The following ROBO2 variants were observed in gnomAD, a reference collection of about 807,000 sequenced individuals.
The protein encoded by ROBO2 is roundabout homolog 2.
Under a neutral mutation model 160.8 loss-of-function variants are expected in ROBO2, and 53 were observed. That is an observed-to-expected ratio of 0.33 (90% CI 0.26 to 0.41). The LOEUF (loss-of-function observed/expected upper bound fraction) is 0.41. Ranked by LOEUF, ROBO2 falls within the 10% of genes least tolerant of loss-of-function variation. ROBO2 has a pLI of 1.00. For missense variants in ROBO2, 1,577 were observed against 1,722.4 expected (o/e 0.92, Z 1.49); for synonymous variants, 664 against 611.7 (o/e 1.09, Z -1.26).
At chr3:77,224,267 G>A (rs77164998) in intron 2 of ROBO2, among the ~76,000 whole-genome samples, 172 of 152,072 alleles carry the variant, frequency 1.1e-3, no homozygotes, top group African/African-American at 3.9e-3. Flanking sequence ...TTACCATGTT[G>A]TCCCAATCGA....
chr3:77,570,076 C>T (rs1330554323), intron 13 of ROBO2, among the ~76,000 whole-genome samples: 1 of 151,850 alleles, frequency 6.6e-6, no homozygotes, highest in African/African-American at 2.4e-5. Flanking sequence ...TGAGTAGATA[C>T]AAAACTAACA....
intron 2 of ROBO2, among the ~76,000 whole-genome samples, chr3:77,457,479 CT>C (rs11317472): frequency 0.057 from 8,638 of 152,118 alleles, 724 homozygotes; most frequent in African/African-American, 0.18. Flanking sequence ...TAAGGAGTTA[CT>C]TTTTGTGTTA....
intron 6 of ROBO2, chr3:77,538,821 G>C (rs1033530795): frequency 2.1e-6 from 1 of 477,706 alleles, no homozygotes; most frequent in African/African-American, 2.0e-5. Context: ...CTTACTACTG[G>C]TCTATAATTG....
At chr3:76,043,536 G>C (rs1382545040) in intron 2 of ROBO2, among the ~76,000 whole-genome samples, 1 of 139,128 alleles carries the variant, frequency 7.2e-6, no homozygotes. Flanking sequence ...ACCTAACATT[G>C]ACTCCAGCTC....
At chr3:76,776,888 G>T (rs938030976) in intron 2 of ROBO2, among the ~76,000 whole-genome samples, 5 of 150,830 alleles carry the variant, frequency 3.3e-5, no homozygotes, top group African/African-American at 7.3e-5. Context: ...AATGCCTTTT[G>T]CCAGCTGCCT....
intron 2 of ROBO2, among the ~76,000 whole-genome samples, chr3:76,309,895 C>T (rs920925704): frequency 2.0e-5 from 3 of 152,158 alleles, no homozygotes; most frequent in Non-Finnish European, 4.4e-5. Context: ...ACCATCATGA[C>T]TTACTGCAGC....
intron 2 of ROBO2, among the ~76,000 whole-genome samples, chr3:76,775,477 T>C (rs1379699711): frequency 6.6e-6 from 1 of 150,910 alleles, no homozygotes; most frequent in African/African-American, 2.4e-5. Flanking sequence ...AAGTAAACTT[T>C]AATTGAAATC....
At position 77,018,152 on chromosome 3, in the gene ROBO2, G is replaced by C. The variant is rs58788640; in HGVS notation, c.110-79862G>C. On this transcript the variant is annotated intron_variant, in intron 2 of 26. Transcript: ENST00000487694. Reference sequence around the variant, plus strand: ...GGATCTCACTCTGTCGCCCAGGCTGGAGTGCAGTGGCGCAATCTCAGCTCA... The same window carrying C: ...GGATCTCACTCTGTCGCCCAGGCTGCAGTGCAGTGGCGCAATCTCAGCTCA... 3.4e-3 allele frequency among the ~76,000 whole-genome samples: 516 copies of C among 152,268 alleles called. 2 individuals carry two copies. Among genetic ancestry groups the C allele is most frequent in the African/African-American group, 0.012 (488 of 41,544 alleles).
chr3:76,018,468 T>C (rs1258555195), intron 2 of ROBO2, among the ~76,000 whole-genome samples: 1 of 151,836 alleles, frequency 6.6e-6, no homozygotes. Flanking sequence ...TCAGTTTTTA[T>C]AATCGCATTT....
intron 2 of ROBO2, among the ~76,000 whole-genome samples, chr3:76,574,560 G>T (rs910691630): frequency 2.0e-5 from 3 of 152,088 alleles, no homozygotes; most frequent in African/African-American, 7.2e-5. Flanking sequence ...ATCACTGACA[G>T]GGTGATATAT....
exon 16 of ROBO2, chr3:77,580,118 G>C: frequency 1.2e-6 from 2 of 1,613,514 alleles, no homozygotes; most frequent in Non-Finnish European, 1.7e-6. Context: ...AATAATAATC[G>C]GTGAGTATCA....
rs1466166095 is a variant in ROBO2 at position 76,911,419 on chromosome 3, G to A, written c.110-186595G>A. ...TTTCAAATTTAAACCAAAATACAAG[G>A]AAGTTACTGTTGGGTTTATTCAAGG... On this transcript the variant is annotated intron_variant, in intron 2 of 26. Coordinates refer to the ROBO2 transcript ENST00000487694. Among the ~76,000 whole-genome samples the A allele has an allele frequency of 3.3e-5, 5 of 152,144 alleles. No individual in the cohort carries two copies. The South Asian group carries it at 6.2e-4, about 19-fold the overall frequency.
At chr3:77,191,345 A>C (rs2081835394) in intron 2 of ROBO2, among the ~76,000 whole-genome samples, 1 of 152,094 alleles carries the variant, frequency 6.6e-6, no homozygotes, top group African/African-American at 2.4e-5. Flanking sequence ...GAGAGCCATA[A>C]ATTGAGCAGA....
At chr3:76,447,298 T>C (rs886600389) in intron 2 of ROBO2, among the ~76,000 whole-genome samples, 10 of 152,110 alleles carry the variant, frequency 6.6e-5, no homozygotes, top group East Asian at 3.9e-4. Flanking sequence ...AAAATGCTCA[T>C]CATCTCTGGC....
chr3:76,702,848 C>A (rs1233007029), intron 2 of ROBO2, among the ~76,000 whole-genome samples: 3 of 152,028 alleles, frequency 2.0e-5, no homozygotes, highest in Non-Finnish European at 4.4e-5. Flanking sequence ...GTTGACATAC[C>A]TGAGCCTCAG....
chr3:75,920,560 C>G (rs1946992529), intron 1 of ROBO2, among the ~76,000 whole-genome samples: 1 of 152,144 alleles, frequency 6.6e-6, no homozygotes, highest in African/African-American at 2.4e-5. Flanking sequence ...TGGACCAGAG[C>G]TGAGTTCAAG....
At chr3:76,330,197 C>G (rs1250764761) in intron 2 of ROBO2, among the ~76,000 whole-genome samples, 1 of 152,054 alleles carries the variant, frequency 6.6e-6, no homozygotes, top group African/African-American at 2.4e-5. Context: ...TAAAGTAAAA[C>G]AAAATTATGC....
At chr3:76,150,068 T>A (rs1178595641) in intron 2 of ROBO2, among the ~76,000 whole-genome samples, 4 of 82,128 alleles carry the variant, frequency 4.9e-5, no homozygotes, top group South Asian at 5.6e-4. Flanking sequence ...TTTAAAACAC[T>A]CATCTGTCTA....
chr3:76,386,362 C>T (rs2076888892), intron 2 of ROBO2, among the ~76,000 whole-genome samples: 1 of 95,226 alleles, frequency 1.1e-5, no homozygotes, highest in Non-Finnish European at 2.2e-5. Context: ...TCCCTCCCTT[C>T]CTTCCTCCCC....
Sources: gnomAD v4.1 joint callset for allele counts (sites outside exome capture counted in the v4.1 genomes callset) on GRCh38, gnomAD v4.1.1 for gene constraint, MANE v1.5 for transcripts, NCBI Gene and HGNC (gene_info 2026-07-23, HGNC 2026-07-21) for gene names.